KNDC1: variants seen among roughly 807,000 people sequenced by gnomAD.
KNDC1 encodes the protein kinase non-catalytic C-lobe domain containing 1, also known as kinase non-catalytic C-lobe domain-containing protein 1.
In KNDC1, 106 loss-of-function variants were observed where a neutral mutation model predicts 172.8. The ratio of observed to expected loss-of-function variants is 0.61; its 90% confidence interval spans 0.52 to 0.72. The LOEUF is 0.72. Among genes scored for constraint, KNDC1 ranks in the 30% least tolerant of loss-of-function variants. KNDC1 has a pLI of 0.00. For missense variants in KNDC1, 2,325 were observed against 2,394.5 expected (o/e 0.97, Z 0.61); for synonymous variants, 1,083 against 1,062.2 (o/e 1.02, Z -0.38).
At chr10:133,184,854 G>A (rs1853845693) in intron 5 of KNDC1, among the ~76,000 whole-genome samples, 1 of 152,252 alleles carries the variant, frequency 6.6e-6, no homozygotes, top group Admixed American at 6.5e-5. Context: ...TTCAATAAAC[G>A]GATGGGTTGA....
Position 133,219,972 on chromosome 10 carries a change from C to G in KNDC1, c.4878C>G (p.Asp1626Glu). The G allele has an allele frequency of 1.3e-6, 2 of 1,552,116 alleles. No individual in the cohort carries two copies. The highest frequency in any genetic ancestry group is 1.7e-6 in the Non-Finnish European group (2 of 1,147,488). ...LKAVEVFLKS[D>E]SLCLMEGRRF... ...ACCACCAGGTCTTCCTGAAGAGCGA[C>G]AGCCTGTGTCTGATGGAAGGGCGGC... is the stretch of plus-strand genomic sequence containing the variant. The change falls in exon 29 of 30, where the codon GAC becomes GAG. Residue 1626 changes from aspartate to glutamate, a missense_variant. Asp to Glu is a conservative substitution (Grantham distance 45, BLOSUM62 2). Transcript: ENST00000304613.
intron 17 of KNDC1, chr10:133,202,270 G>T (rs772598341): frequency 3.7e-5 from 20 of 545,748 alleles, no homozygotes; most frequent in South Asian, 9.2e-5. Context: ...GGGCAGCCTC[G>T]CTCTGCAGTG....
In KNDC1 at chr10:133,183,206, G is replaced by A. The variant is rs535801931; in HGVS notation, c.361-138G>A. ...CGCGGGCGGCAAGGGTGTGGGCAGC[G>A]TGGGCACGGGTGCTGCTTCCCCTCA... On this transcript the variant is annotated intron_variant, in intron 3 of 29. Transcript: ENST00000304613. 1.6e-5 allele frequency: 17 copies of A among 1,089,900 alleles called. No homozygotes were observed. The African/African-American group carries it at 1.8e-4, about 11-fold the overall frequency. 67.5% of individuals were successfully genotyped at this position (1,089,900 alleles called of 1,614,324 possible). A position where few individuals can be genotyped will look rare whatever the true frequency, so the allele number is the denominator to read the frequency against.
At position 133,195,934 on chromosome 10, in the gene KNDC1, G is replaced by A. The variant is rs757684381; in HGVS notation, c.1734+113G>A. 4 of 1,084,482 alleles carry A rather than the reference G, an allele frequency of 3.7e-6. No homozygotes were observed. In the East Asian group the frequency reaches 1.2e-4, roughly 31 times the overall value. The allele number at this position is 1,084,482 out of a possible 1,614,324, so 67.2% of individuals were successfully genotyped here. ...GGGCTGCCAGTGTCCAGGTGATGAGGCCACCAGGTCTGTTTCTAGGTCCCT... is the reference window on the plus strand; with the variant it reads ...GGGCTGCCAGTGTCCAGGTGATGAGACCACCAGGTCTGTTTCTAGGTCCCT... On this transcript the variant is annotated intron_variant, in intron 10 of 29. Coordinates refer to ENST00000304613, the MANE Select transcript of KNDC1 (RefSeq NM_152643.8).
At chr10:133,221,607 A>G (rs1845589439) in intron 29 of KNDC1, among the ~76,000 whole-genome samples, 1 of 152,224 alleles carries the variant, frequency 6.6e-6, no homozygotes, top group Non-Finnish European at 1.5e-5. Flanking sequence ...CCCACGGTAG[A>G]TGGCCTCACT....
At position 133,211,724 on chromosome 10, in the gene KNDC1, G is replaced by A; in HGVS notation, c.4102G>A (p.Glu1368Lys). The A allele has an allele frequency of 3.1e-6, 5 of 1,608,648 alleles. No individual in the cohort carries two copies. The highest frequency in any genetic ancestry group is 3.4e-6 in the Non-Finnish European group (4 of 1,177,724). ...GSAKHLLGLL[E>K]VGMDRRAEGN... Reference sequence around the variant, plus strand: ...TGCCAAGCACCTGCTGGGCCTCCTGGAGGTGGGCATGGACCGGCGGGCCGA... The same window carrying A: ...TGCCAAGCACCTGCTGGGCCTCCTGAAGGTGGGCATGGACCGGCGGGCCGA... The change falls in exon 23 of 30, where the codon GAG (glutamate) becomes AAG (lysine). Residue 1368 changes from glutamate to lysine, a missense_variant. By Grantham distance (56) the Glu-to-Lys change is moderately conservative. Coordinates refer to ENST00000304613, the MANE Select transcript of KNDC1 (RefSeq NM_152643.8).
chr10:133,207,525 A>G (rs1845238942), intron 20 of KNDC1, among the ~76,000 whole-genome samples, 174 bp downstream of exon 20: 1 of 152,252 alleles, frequency 6.6e-6, no homozygotes, highest in African/African-American at 2.4e-5. Context: ...AGCTTTGCAG[A>G]GCCCTGGCCA....
At position 133,201,668 on chromosome 10, in the gene KNDC1, G is replaced by A; in HGVS notation, c.3157G>A (p.Asp1053Asn). ...ERAQQPEAGE[D>N]RRPAGGASDV... ...AGCGCAGCAGCCTGAGGCTGGCGAG[G>A]ACAGACGGCCAGCTGGCGGGGCCTC... The change falls in exon 17 of 30, where the codon GAC becomes AAC. Residue 1053 changes from aspartate to asparagine, a missense_variant. By Grantham distance (23) the Asp-to-Asn change is conservative. Coordinates refer to ENST00000304613, the MANE Select transcript of KNDC1 (RefSeq NM_152643.8). The A allele has an allele frequency of 6.2e-7, 1 of 1,612,822 alleles. No individual in the cohort carries two copies. Among genetic ancestry groups the A allele is most frequent in the Non-Finnish European group, 8.5e-7 (1 of 1,179,926 alleles).
chr10:133,197,266 TG>T, intron 11 of KNDC1, 131 bp downstream of exon 11: 1 of 703,132 alleles, frequency 1.4e-6, no homozygotes, highest in Non-Finnish European at 2.5e-6. Context: ...GAGCTGTGGG[TG>T]GGTGCATCTG....
chr10:133,202,040 G>T (rs1272663181), intron 17 of KNDC1, 142 bp downstream of exon 17: 1 of 993,538 alleles, frequency 1.0e-6, no homozygotes, highest in Non-Finnish European at 1.5e-6. Context: ...CCCACCCCGT[G>T]GCTGTCAAGA....
Position 133,219,965 on chromosome 10 carries a change from AG to A in KNDC1, c.4872del (p.Ser1625AlafsTer6), listed in dbSNP as rs1845548450. ...CGGCTGGACCACCAGGTCTTCCTGA[AG>A]AGCGACAGCCTGTGTCTGATGGAAG... Reference protein sequence around the residue: ...EELKAVEVFLKSDSLCLMEGR... With the variant: ...EELKAVEVFLXSDSLCLMEGR... On this transcript the variant is annotated frameshift_variant, in exon 29 of 30. Coordinates refer to ENST00000304613, the MANE Select transcript of KNDC1 (RefSeq NM_152643.8). LOFTEE classifies it high-confidence loss of function. 1 of 1,551,096 alleles carries A rather than the reference AG, an allele frequency of 6.4e-7. No homozygotes were observed. Among genetic ancestry groups the A allele is most frequent in the African/African-American group, 1.4e-5 (1 of 73,274 alleles).
chr10:133,169,779 G>A (rs1183672110), intron 3 of KNDC1, among the ~76,000 whole-genome samples: 2 of 152,228 alleles, frequency 1.3e-5, no homozygotes, highest in Non-Finnish European at 2.9e-5. Flanking sequence ...TGGCCTGGTG[G>A]CTGTGATCCC....
In KNDC1 at chr10:133,211,444, A is replaced by G; in HGVS notation, c.3931A>G (p.Thr1311Ala). The G allele has an allele frequency of 1.2e-6, 2 of 1,613,504 alleles. No individual in the cohort carries two copies. Among genetic ancestry groups the G allele is most frequent in the African/African-American group, 1.3e-5 (1 of 74,990 alleles). Residue 1311 changes from threonine (T) to alanine (A), a missense_variant, in exon 22 of 30, where the codon ACC becomes GCC. Thr to Ala is a moderately conservative substitution (Grantham distance 58, BLOSUM62 0). Coordinates refer to ENST00000304613, the MANE Select transcript of KNDC1 (RefSeq NM_152643.8). ...CAGGGCCCACCAGGACCCCACCTCG[A>G]CCTTCACCAAGATCTACAGGCGGAG... is the stretch of plus-strand genomic sequence containing the variant. The part of the protein sequence containing the change: ...LTRAHQDPTS[T>A]FTKIYRRSLC...
chr10:133,216,078 A>G (rs1845464417), intron 26 of KNDC1, among the ~76,000 whole-genome samples: 1 of 152,262 alleles, frequency 6.6e-6, no homozygotes, highest in South Asian at 2.1e-4. Flanking sequence ...ACAATCCAGG[A>G]CACTGAGTTT....
At position 133,188,663 on chromosome 10, in the gene KNDC1, G is replaced by T; in HGVS notation, c.1441+10G>T. 6.5e-7 allele frequency: 1 copy of T among 1,529,508 alleles called. No individual in the cohort carries two copies. The highest frequency in any genetic ancestry group is 8.8e-7 in the Non-Finnish European group (1 of 1,131,848). The allele number at this position is 1,529,508 out of a possible 1,614,324, so 94.7% of individuals were successfully genotyped here. On this transcript the variant is annotated intron_variant, in intron 7 of 29. Coordinates refer to ENST00000304613, the MANE Select transcript of KNDC1 (RefSeq NM_152643.8). Reference sequence around the variant, plus strand: ...CGCCCTGAGCACCCAGGTGACGCACGCACCATCCCATCCCCCCCGCCGTCC... The same window carrying T: ...CGCCCTGAGCACCCAGGTGACGCACTCACCATCCCATCCCCCCCGCCGTCC...
At chr10:133,194,107 A>G (rs1249519530) in intron 9 of KNDC1, among the ~76,000 whole-genome samples, 1 of 152,242 alleles carries the variant, frequency 6.6e-6, no homozygotes, top group African/African-American at 2.4e-5. Flanking sequence ...TCCACCCAAC[A>G]ACAGCAGAAT....
chr10:133,180,171 G>A (rs1853673459), intron 3 of KNDC1, among the ~76,000 whole-genome samples: 2 of 152,236 alleles, frequency 1.3e-5, no homozygotes, highest in South Asian at 4.1e-4. Context: ...ACAGAAATCT[G>A]TTTCTCCATG....
At chr10:133,206,653 C>A in intron 17 of KNDC1, 32 bp from the exon 18 acceptor site, 10 of 1,593,612 alleles carry the variant, frequency 6.3e-6, no homozygotes, top group Non-Finnish European at 8.6e-6. Flanking sequence ...GTTGGGGCTG[C>A]CTGGGGCTTA....
rs759634622 is a variant in KNDC1, at chr10:133,195,803, C to T, written c.1716C>T (p.Ser572=). 46 of 1,572,540 alleles carry T rather than the reference C, an allele frequency of 2.9e-5. No homozygotes were observed. Among genetic ancestry groups the T allele is most frequent in the South Asian group, 5.8e-5 (5 of 86,274 alleles). The change falls in exon 10 of 30, where the codon TCC becomes TCT. Residue 572 remains serine (S), a synonymous_variant. Coordinates refer to ENST00000304613, the MANE Select transcript of KNDC1 (RefSeq NM_152643.8). ...GGCGCAGTGCCCCGGAGCGGCCGTCCGCGGCTGAGGCCATCAAGGTAACCA... is the reference window on the plus strand; with the variant it reads ...GGCGCAGTGCCCCGGAGCGGCCGTCTGCGGCTGAGGCCATCAAGGTAACCA... The part of the protein sequence containing the change: ...MARRSAPERP[S]AAEAIKVCGS...
Sources: gnomAD v4.1 joint callset for allele counts (sites outside exome capture counted in the v4.1 genomes callset) on GRCh38, gnomAD v4.1.1 for gene constraint, MANE v1.5 for transcripts, NCBI Gene and HGNC (gene_info 2026-07-23, HGNC 2026-07-21) for gene names.